PLIN3: variants seen among roughly 807,000 people sequenced by gnomAD.
PLIN3 encodes perilipin-3.
A neutral mutation model predicts 35.9 loss-of-function variants in PLIN3; 30 were observed. That is an observed-to-expected ratio of 0.84 (90% CI 0.62 to 1.13). PLIN3 has a LOEUF of 1.13. Among genes scored for constraint, PLIN3 ranks in the 50% most tolerant of loss-of-function variants. The probability of loss-of-function intolerance (pLI) is 0.00; values close to 1 mark genes in which losing one functional copy is unlikely to be tolerated. For synonymous variants in PLIN3, 261 were observed against 262.5 expected, an observed-to-expected ratio of 0.99 and a Z score of 0.06; for missense variants, 603 against 596.9, an observed-to-expected ratio of 1.01 and a Z score of -0.11.
intron 7 of PLIN3, among the ~76,000 whole-genome samples, chr19:4,843,278 G>A (rs11880910): frequency 0.031 from 4,683 of 152,012 alleles, 110 homozygotes; most frequent in Non-Finnish European, 0.047. Context: ...AGGCCGAGGC[G>A]GGCGGATCAC....
chr19:4,849,230 C>A (rs745727879), intron 5 of PLIN3, among the ~76,000 whole-genome samples: 29 of 152,222 alleles, frequency 1.9e-4, no homozygotes, highest in Non-Finnish European at 3.8e-4. Context: ...GCCTCAGACT[C>A]CCAAAGTGCT....
chr19:4,848,141 G>A (rs756877283), intron 5 of PLIN3, among the ~76,000 whole-genome samples: 21 of 152,046 alleles, frequency 1.4e-4, no homozygotes, highest in Non-Finnish European at 2.8e-4. Flanking sequence ...CCGCCACCAT[G>A]CCCAGCTAAT....
chr19:4,844,232 G>C (rs1303365783), intron 7 of PLIN3, among the ~76,000 whole-genome samples: 1 of 152,124 alleles, frequency 6.6e-6, no homozygotes, highest in Non-Finnish European at 1.5e-5. Flanking sequence ...GGGAGGCTGG[G>C]CAGGGCGGAT....
Position 4,860,543 on chromosome 19 carries a change from A to T in PLIN3, c.67-519T>A, listed in dbSNP as rs576865224. 1.8e-4 allele frequency among the ~76,000 whole-genome samples: 28 copies of T among 152,192 alleles called. No individual in the cohort carries two copies. In the East Asian group the frequency reaches 5.0e-3, roughly 27 times the overall value. On this transcript the variant is annotated intron_variant, in intron 2 of 7. Coordinates refer to ENST00000221957, the MANE Select transcript of PLIN3 (RefSeq NM_005817.5). ...ACACAGGCTATTTACATGAGCCTGC[A>T]CTTTATCCCAGCGATGTGCCAGGTG...
chr19:4,864,098 AGTGTGTGTGTGT>A lies in PLIN3; in HGVS notation c.-17-2699_-17-2688del, dbSNP rs71170861. The stretch of plus-strand genomic sequence containing the variant: ...CAGGCACGCACCACCACACCTGGCT[AGTGTGTGTGTGT>A]GTGTGTGTGTGTGTGTGTGTGTGTG... On this transcript the variant is annotated intron_variant, in intron 1 of 7. Transcript: ENST00000221957. Among the ~76,000 whole-genome samples, 959 of 125,348 alleles carry A rather than the reference AGTGTGTGTGTGT, an allele frequency of 7.7e-3. 11 individuals carry two copies. Among genetic ancestry groups the A allele is most frequent in the African/African-American group, 0.02 (640 of 31,590 alleles). The allele number at this position is 125,348 out of a possible 152,430, so 82.2% of individuals were successfully genotyped here.
chr19:4,860,831 C>T lies in PLIN3; in HGVS notation c.66+498G>A, dbSNP rs200900782. ...ACTAAAAATACAAAAATTAGCCGGG[C>T]GTGGTGGCACATGCCTGTTACCCCA... On this transcript the variant is annotated intron_variant, in intron 2 of 7. Coordinates refer to ENST00000221957, the MANE Select transcript of PLIN3 (RefSeq NM_005817.5). Among the ~76,000 whole-genome samples, 18 of 152,086 alleles carry T rather than the reference C, an allele frequency of 1.2e-4. No individual in the cohort carries two copies. The South Asian group carries it at 2.1e-3, about 18-fold the overall frequency.
At chr19:4,849,220 G>A (rs556716759) in intron 5 of PLIN3, among the ~76,000 whole-genome samples, 90 of 152,014 alleles carry the variant, frequency 5.9e-4, no homozygotes, top group Non-Finnish European at 9.6e-4. Flanking sequence ...CAATCTGCTC[G>A]CCTCAGACTC....
chr19:4,866,077 G>A (rs1278663967), intron 1 of PLIN3, among the ~76,000 whole-genome samples: 1 of 150,812 alleles, frequency 6.6e-6, no homozygotes, highest in East Asian at 1.9e-4. Context: ...GAATGCAGTG[G>A]CGTGATCTCA....
In PLIN3 at chr19:4,848,367, T is replaced by A. The variant is rs141210397; in HGVS notation, c.635-477A>T. On this transcript the variant is annotated intron_variant, in intron 5 of 7. Coordinates refer to ENST00000221957, the MANE Select transcript of PLIN3 (RefSeq NM_005817.5). ...AAGGATTCTGCCTTGGTTTTCCCTA[T>A]CTGCAAAACGGGGATAAGGAAAATT... 3.2e-3 allele frequency among the ~76,000 whole-genome samples: 487 copies of A among 152,318 alleles called. 7 individuals carry two copies. The South Asian group carries it at 0.034, about 11-fold the overall frequency.
chr19:4,847,033 G>A (rs1228510056), intron 6 of PLIN3, among the ~76,000 whole-genome samples: 3 of 151,974 alleles, frequency 2.0e-5, no homozygotes, highest in Middle Eastern at 3.4e-3. Context: ...GGGATTACAG[G>A]TGCCTGCCAT....
At chr19:4,863,738 G>A (rs1490800630) in intron 1 of PLIN3, among the ~76,000 whole-genome samples, 1 of 150,894 alleles carries the variant, frequency 6.6e-6, no homozygotes, top group Non-Finnish European at 1.5e-5. Context: ...TGAGGCAGGA[G>A]AATCGCTTGA....
chr19:4,858,847 A>G (rs2030569211), intron 4 of PLIN3, among the ~76,000 whole-genome samples: 1 of 151,416 alleles, frequency 6.6e-6, no homozygotes, highest in Non-Finnish European at 1.5e-5. Context: ...GATTACAGGC[A>G]CCCGCTACCA....
chr19:4,857,382 C>T (rs1015900960), intron 4 of PLIN3, among the ~76,000 whole-genome samples: 1 of 151,610 alleles, frequency 6.6e-6, no homozygotes, highest in Admixed American at 6.6e-5. Context: ...ACAGCCTGGG[C>T]AACATGGTGA....
At chr19:4,851,550 A>C (rs1209784746) in intron 5 of PLIN3, among the ~76,000 whole-genome samples, 1 of 152,096 alleles carries the variant, frequency 6.6e-6, no homozygotes, top group Non-Finnish European at 1.5e-5. Flanking sequence ...CTGGAGTGGG[A>C]TGTCTGGCCT....
At chr19:4,860,070 G>C in intron 2 of PLIN3, 46 bp from the exon 3 acceptor site, 1 of 1,578,712 alleles carries the variant, frequency 6.3e-7, no homozygotes, top group South Asian at 1.1e-5. Context: ...GGGAAGATGG[G>C]GAGCTCAGCC....
chr19:4,845,313 C>A (rs1472762891), intron 6 of PLIN3, among the ~76,000 whole-genome samples: 1 of 152,116 alleles, frequency 6.6e-6, no homozygotes, highest in Non-Finnish European at 1.5e-5. Flanking sequence ...GTAGTCCCAG[C>A]TACTCAGGAG....
rs772454816 is a variant in PLIN3 at position 4,855,924 on chromosome 19, CA to C, written c.349-3624del. On this transcript the variant is annotated intron_variant, in intron 4 of 7. Coordinates refer to ENST00000221957, the MANE Select transcript of PLIN3 (RefSeq NM_005817.5). ...TGGGCTACAGAGCAAGACCTTGTCT[CA>C]AAAAAAAAAAAAAAATGCAAGTTGA... Among the ~76,000 whole-genome samples, 358 of 73,720 alleles carry C rather than the reference CA, an allele frequency of 4.9e-3. 1 individual carries two copies. Among genetic ancestry groups the C allele is most frequent in the African/African-American group, 0.014 (248 of 18,352 alleles). The allele number at this position is 73,720 out of a possible 152,430, so 48.4% of individuals were successfully genotyped here. A position where few individuals can be genotyped will look rare whatever the true frequency, so the allele number is the denominator to read the frequency against.
At chr19:4,867,354 C>CA (rs2030893220) in intron 1 of PLIN3, among the ~76,000 whole-genome samples, 1 of 152,230 alleles carries the variant, frequency 6.6e-6, no homozygotes, top group East Asian at 1.9e-4. Context: ...AATATCACCC[C>CA]TTCTACGGGG....
intron 1 of PLIN3, among the ~76,000 whole-genome samples, chr19:4,864,914 G>A (rs56345794): frequency 0.25 from 37,285 of 151,998 alleles, 4,976 homozygotes; most frequent in East Asian, 0.42. Flanking sequence ...CTAAAGGGTC[G>A]GGCATGGTGG....
Sources: gnomAD v4.1 joint callset for allele counts (sites outside exome capture counted in the v4.1 genomes callset) on GRCh38, gnomAD v4.1.1 for gene constraint, MANE v1.5 for transcripts, NCBI Gene and HGNC (gene_info 2026-07-23, HGNC 2026-07-21) for gene names.